Variants in GLRB observed in about 807,000 individuals in gnomAD.
GLRB encodes the protein glycine receptor beta, also known as glycine receptor subunit beta.
GLRB carries 33 observed loss-of-function variants against 54.2 expected under a neutral mutation model. That is an observed-to-expected ratio of 0.61 (90% CI 0.46 to 0.81). GLRB has a LOEUF of 0.81. Among genes scored for constraint, GLRB ranks in the 40% least tolerant of loss-of-function variants. The pLI is 0.00. For missense variants in GLRB, 572 were observed against 584.6 expected, an observed-to-expected ratio of 0.98 and a Z score of 0.22; for synonymous variants, 209 against 208.2, an observed-to-expected ratio of 1.00 and a Z score of -0.03.
intron 2 of GLRB, among the ~76,000 whole-genome samples, chr4:157,114,831 A>G (rs1311517066): frequency 1.3e-5 from 2 of 151,818 alleles, no homozygotes; most frequent in Non-Finnish European, 2.9e-5. Context: ...ATCACATCAT[A>G]TCAAGGGTCC....
At chr4:157,091,165 G>A (rs1177454124) in intron 2 of GLRB, among the ~76,000 whole-genome samples, 1 of 152,066 alleles carries the variant, frequency 6.6e-6, no homozygotes, top group Non-Finnish European at 1.5e-5. Context: ...TAATTTTCAG[G>A]TAATGTTTTT....
At position 157,171,968 on chromosome 4, in the gene GLRB, A is replaced by G. The variant is rs775599962; in HGVS notation, c.*1240A>G. ...TTTCTGCCATATCTGAAATAAAACTATCAGTAATTCACATAGATAAACATA... is the reference window on the plus strand; with the variant it reads ...TTTCTGCCATATCTGAAATAAAACTGTCAGTAATTCACATAGATAAACATA... On this transcript the variant is annotated 3_prime_UTR_variant, in exon 10 of 10. Transcript: ENST00000264428. 5.3e-5 allele frequency: 8 copies of G among 151,876 alleles called. No individual in the cohort carries two copies. Among genetic ancestry groups the G allele is most frequent in the Non-Finnish European group, 1.2e-4 (8 of 67,800 alleles). The allele number at this position is 151,876 out of a possible 1,614,324, so 9.4% of individuals were successfully genotyped here. A position where few individuals can be genotyped will look rare whatever the true frequency, so the allele number is the denominator to read the frequency against.
chr4:157,094,225 T>C (rs1734723472), intron 2 of GLRB, among the ~76,000 whole-genome samples: 1 of 152,202 alleles, frequency 6.6e-6, no homozygotes. Flanking sequence ...TCCAAATTAC[T>C]CATTGCCAAC....
At chr4:157,095,338 G>A (rs1198575583) in intron 2 of GLRB, among the ~76,000 whole-genome samples, 1 of 151,402 alleles carries the variant, frequency 6.6e-6, no homozygotes, top group African/African-American at 2.4e-5. Context: ...TATTTACTGA[G>A]ATATCTGTTA....
At chr4:157,122,280 T>G (rs868346050) in intron 3 of GLRB, 50 bp from the exon 4 acceptor site, 1 of 755,066 alleles carries the variant, frequency 1.3e-6, no homozygotes, top group Admixed American at 2.1e-5. Context: ...ATGATGATTC[T>G]GACCAAGTTT....
intron 3 of GLRB, 52 bp downstream of exon 3, chr4:157,120,714 A>G (rs7671371): frequency 4.7e-6 from 4 of 842,270 alleles, no homozygotes; most frequent in Admixed American, 1.8e-5. Flanking sequence ...AATTAATTTT[A>G]TATGTTTAGA....
intron 2 of GLRB, among the ~76,000 whole-genome samples, chr4:157,102,570 C>T (rs1190619331): frequency 2.0e-5 from 3 of 151,910 alleles, no homozygotes; most frequent in Admixed American, 6.6e-5. Context: ...TTAAAAATTA[C>T]ACAATATATA....
chr4:157,150,450 A>G (rs1280258410), intron 8 of GLRB, among the ~76,000 whole-genome samples: 1 of 152,052 alleles, frequency 6.6e-6, no homozygotes, highest in Non-Finnish European at 1.5e-5. Flanking sequence ...ATCTATAAAT[A>G]TTCTGTCACA....
intron 9 of GLRB, among the ~76,000 whole-genome samples, chr4:157,155,661 C>T (rs1737199198): frequency 1.3e-5 from 2 of 152,146 alleles, no homozygotes; most frequent in Admixed American, 6.5e-5. Context: ...GTTCTAATTG[C>T]TTTTCCTCTG....
intron 4 of GLRB, among the ~76,000 whole-genome samples, chr4:157,126,302 A>G (rs1736014173): frequency 6.6e-6 from 1 of 151,836 alleles, no homozygotes; most frequent in Admixed American, 6.6e-5. Flanking sequence ...CCATAATTGT[A>G]TAGTGGAGGA....
At chr4:157,157,042 C>T (rs189606728) in intron 9 of GLRB, among the ~76,000 whole-genome samples, 3 of 152,200 alleles carry the variant, frequency 2.0e-5, no homozygotes, top group African/African-American at 2.4e-5. Flanking sequence ...TACTGCTGGG[C>T]GAGATTGGGG....
chr4:157,162,481 T>G (rs1737538495), intron 9 of GLRB, among the ~76,000 whole-genome samples: 1 of 152,218 alleles, frequency 6.6e-6, no homozygotes, highest in African/African-American at 2.4e-5. Flanking sequence ...TTATCTACCT[T>G]TGTTCTTTGA....
chr4:157,095,291 G>A (rs186911152), intron 2 of GLRB, among the ~76,000 whole-genome samples: 21 of 117,660 alleles, frequency 1.8e-4, no homozygotes, highest in Middle Eastern at 6.0e-3. Context: ...TGATTCCCAC[G>A]TTTTGTGCCT....
intron 8 of GLRB, among the ~76,000 whole-genome samples, chr4:157,150,370 G>C (rs1736974922): frequency 6.6e-6 from 1 of 151,844 alleles, no homozygotes; most frequent in African/African-American, 2.4e-5. Context: ...TATGATAAAA[G>C]TCTTGAATTC....
chr4:157,100,767 C>G (rs966513018), intron 2 of GLRB, among the ~76,000 whole-genome samples: 2 of 152,112 alleles, frequency 1.3e-5, no homozygotes, highest in African/African-American at 2.4e-5. Flanking sequence ...ATCACCTTTT[C>G]ATAAATGTGG....
intron 2 of GLRB, among the ~76,000 whole-genome samples, chr4:157,109,093 T>C (rs997532273): frequency 6.6e-6 from 1 of 152,232 alleles, no homozygotes; most frequent in South Asian, 2.1e-4. Context: ...TAGTTTCTTA[T>C]ATGCACTGGG....
At chr4:157,102,246 A>G (rs1180503747) in intron 2 of GLRB, among the ~76,000 whole-genome samples, 3 of 152,168 alleles carry the variant, frequency 2.0e-5, no homozygotes, top group Non-Finnish European at 4.4e-5. Context: ...AGATTTTTAA[A>G]TTGTACAATA....
intron 2 of GLRB, among the ~76,000 whole-genome samples, chr4:157,118,664 T>C (rs775504058): frequency 4.0e-5 from 6 of 151,624 alleles, no homozygotes; most frequent in Non-Finnish European, 7.4e-5. Context: ...CATAGTATTA[T>C]TAAATTATGT....
At chr4:157,157,934 G>T (rs1386977199) in intron 9 of GLRB, among the ~76,000 whole-genome samples, 3 of 152,182 alleles carry the variant, frequency 2.0e-5, no homozygotes. Context: ...TACAATGGTT[G>T]AAATAGTTAC....
Sources: gnomAD v4.1 joint callset for allele counts (sites outside exome capture counted in the v4.1 genomes callset) on GRCh38, gnomAD v4.1.1 for gene constraint, MANE v1.5 for transcripts, NCBI Gene and HGNC (gene_info 2026-07-23, HGNC 2026-07-21) for gene names.